Variants in KMT2D observed in about 807,000 individuals in gnomAD.
KMT2D encodes lysine methyltransferase 2D.
Under a neutral mutation model 512.7 loss-of-function variants are expected in KMT2D, and 55 were observed. That is an observed-to-expected ratio of 0.11 (90% CI 0.09 to 0.13). The LOEUF is 0.13. Among genes scored for constraint, KMT2D ranks in the 10% least tolerant of loss-of-function variants. The probability of loss-of-function intolerance (pLI) is 1.00; values close to 1 mark genes in which losing one functional copy is unlikely to be tolerated. For synonymous variants in KMT2D, 2,995 were observed against 2,904.0 expected (o/e 1.03, Z -1.01); for missense variants, 6,061 against 7,127.9 (o/e 0.85, Z 5.39).
rs1468040334 is a variant in KMT2D at position 49,033,146 on chromosome 12, G to A, written c.11559C>T (p.Val3853=). Residue 3853 remains valine, a synonymous_variant, in exon 40 of 55, where the codon GTC becomes GTT. Coordinates refer to ENST00000301067, the MANE Select transcript of KMT2D (RefSeq NM_003482.4). ...GTTGCTGCTGCTGCTGCTGGGCTGT[G>A]ACCAGCCTGTGTCCCATAAGGCCCT... The part of the protein sequence containing the change: ...QGQGLMGHRL[V]TAQQQQQQQQ... The A allele has an allele frequency of 1.3e-6, 2 of 1,550,772 alleles. No homozygotes were observed. Among genetic ancestry groups the A allele is most frequent in the Admixed American group, 3.9e-5 (2 of 50,972 alleles).
rs1003579411 is a variant in KMT2D, at chr12:49,028,222, A to G, written c.14383-81T>C. 1.2e-5 allele frequency: 18 copies of G among 1,562,690 alleles called. No individual in the cohort carries two copies. The South Asian group carries it at 1.4e-4, about 12-fold the overall frequency. On this transcript the variant is annotated intron_variant, in intron 46 of 54. Coordinates refer to ENST00000301067, the MANE Select transcript of KMT2D (RefSeq NM_003482.4). ...GCTCTACTACCAGCTGGGTGGGGAC[A>G]AGGACACCTAGAACCCACTCCCCAG... is the stretch of plus-strand genomic sequence containing the variant.
At position 49,034,069 on chromosome 12, in the gene KMT2D, G is replaced by T. The variant is rs1592122991; in HGVS notation, c.10738C>A (p.Gln3580Lys). ...GGCTGAAGTTTGCTTTCCCCCACCT[G>T]ATCCAGTTGTTTCTGGATCTTGCTC... Reference protein sequence around the residue: ...QQSKIQKQLDQVRKQQKEHTN... With the variant: ...QQSKIQKQLDKVRKQQKEHTN... Residue 3580 changes from glutamine (Q) to lysine (K), a missense_variant and splice_region_variant, in exon 39 of 55, where the codon CAG becomes AAG. This residue lies in a region of KMT2D where 50 missense variants were observed against 119.9 expected (regional missense o/e 0.42). Coordinates refer to ENST00000301067, the MANE Select transcript of KMT2D (RefSeq NM_003482.4). 6.2e-7 allele frequency: 1 copy of T among 1,611,734 alleles called. No homozygotes were observed. The highest frequency in any genetic ancestry group is 1.1e-5 in the South Asian group (1 of 91,020).
rs776064682 is a variant in KMT2D, at chr12:49,046,125, G to C, written c.4633C>G (p.Gln1545Glu). Residue 1545 changes from glutamine (Q) to glutamate (E), a missense_variant, in exon 18 of 55, where the codon CAG (glutamine) becomes GAG (glutamate). By Grantham distance (29) the Gln-to-Glu change is conservative. Transcript: ENST00000301067. The surrounding 1 kb of genome is among the most constrained non-coding windows in gnomAD (Gnocchi z 4.2). Reference sequence around the variant, plus strand: ...CAGTCAAAGCCTTCATCGGCTGCCTGCTCCACATCGTCCTCTGTGAAGAGG... The same window carrying C: ...CAGTCAAAGCCTTCATCGGCTGCCTCCTCCACATCGTCCTCTGTGAAGAGG... ...ESLFTEDDVE[Q>E]AADEGFDCVS... The C allele has an allele frequency of 6.2e-7, 1 of 1,610,852 alleles. No homozygotes were observed. The highest frequency in any genetic ancestry group is 8.5e-7 in the Non-Finnish European group (1 of 1,178,446).
chr12:49,052,134 C>A lies in KMT2D; in HGVS notation c.1549G>T (p.Glu517Ter). ...TCTTCCGGTGGAGACAAGGGCGACT[C>A]CTCCAGTGGAGAAAAAGGTGATGAT... ...PESSPFSPLE[E>*]SPLSPPEESP... The change falls in exon 11 of 55, where the codon GAG becomes TAG. Residue 517 changes from glutamate (E) to a stop codon, truncating the protein, a stop_gained. Coordinates refer to ENST00000301067, the MANE Select transcript of KMT2D (RefSeq NM_003482.4). LOFTEE classifies it high-confidence loss of function. 6.2e-7 allele frequency: 1 copy of A among 1,612,872 alleles called. No homozygotes were observed. Among genetic ancestry groups the A allele is most frequent in the Non-Finnish European group, 8.5e-7 (1 of 1,179,588 alleles).
intron 14 of KMT2D, among the ~76,000 whole-genome samples, chr12:49,048,369 T>C (rs1937685419): frequency 6.6e-6 from 1 of 152,250 alleles, no homozygotes; most frequent in Non-Finnish European, 1.5e-5. Flanking sequence ...TTCTATCAGC[T>C]TCAAGATTAT....
At position 49,039,594 on chromosome 12, in the gene KMT2D, C is replaced by T. The variant is rs776754434; in HGVS notation, c.8070G>A (p.Leu2690=). The T allele has an allele frequency of 6.2e-7, 1 of 1,610,360 alleles. No individual in the cohort carries two copies. Among genetic ancestry groups the T allele is most frequent in the South Asian group, 1.1e-5 (1 of 91,004 alleles). ...TGTTGCGCTGGATCTGCTGCCGAAT[C>T]AGCAGCTCTCGTAGTCGCTGGCGCT... ...QRQRQRLREL[L]IRQQIQRNTL... The change falls in exon 33 of 55, where the codon CTG becomes CTA. Residue 2690 remains leucine (L), a synonymous_variant. Transcript: ENST00000301067. This position sits in a 1 kb window ranked among gnomAD's most constrained non-coding sequence, Gnocchi z 5.0.
chr12:49,037,887 C>T lies in KMT2D; in HGVS notation c.9469G>A (p.Gly3157Arg), dbSNP rs1180928884. ...TCCCGGCTGCCCATCATGCTCTGTC[C>T]TGGCTTTAGCCCCAGGCCAAGGGAA... ...ANSLGLGLKP[G>R]QSMMGSRDTR... The change falls in exon 35 of 55, where the codon GGA becomes AGA. Residue 3157 changes from glycine (G) to arginine (R), a missense_variant. Transcript: ENST00000301067. The T allele has an allele frequency of 6.3e-7, 1 of 1,599,802 alleles. No homozygotes were observed. The highest frequency in any genetic ancestry group is 2.3e-5 in the East Asian group (1 of 44,218).
Position 49,027,242 on chromosome 12 carries a change from G to A in KMT2D, c.14724C>T (p.Ala4908=), listed in dbSNP as rs1412145265. ...GCGGGGAGGGTTCTTCAGGAGGTGG[G>A]GCCGAGAGCTGTCGCACATCCAGAT... ...VSNLDVRQLS[A]PPPEEPSPPP... Residue 4908 remains alanine (A), a synonymous_variant, in exon 49 of 55, where the codon GCC becomes GCT. Coordinates refer to ENST00000301067, the MANE Select transcript of KMT2D (RefSeq NM_003482.4). The A allele has an allele frequency of 6.4e-7, 1 of 1,551,416 alleles. No homozygotes were observed. The highest frequency in any genetic ancestry group is 8.7e-7 in the Non-Finnish European group (1 of 1,152,346).
In KMT2D at chr12:49,051,231, C is replaced by A. The variant is rs2120665851; in HGVS notation, c.2452G>T (p.Val818Leu). Residue 818 changes from valine to leucine, a missense_variant, in exon 11 of 55, where the codon GTG (valine) becomes TTG (leucine). Physicochemically the swap from Val to Leu is conservative, Grantham distance 32. Around this residue, in one of 16 missense-constraint regions of KMT2D, gnomAD observed 848 missense variants for 838.5 expected, o/e 1.01. Coordinates refer to ENST00000301067, the MANE Select transcript of KMT2D (RefSeq NM_003482.4). ...GGGGACAAGCATGGCTCCTCAGGCACAGGAGACAGGTGCGGCTCCTCAGTC... is the reference window on the plus strand; with the variant it reads ...GGGGACAAGCATGGCTCCTCAGGCAAAGGAGACAGGTGCGGCTCCTCAGTC... Reference protein sequence around the residue: ...PQTEEPHLSPVPEEPCLSPQP... With the variant: ...PQTEEPHLSPLPEEPCLSPQP... 1.4e-6 allele frequency: 2 copies of A among 1,430,472 alleles called. No individual in the cohort carries two copies. Among genetic ancestry groups the A allele is most frequent in the Non-Finnish European group, 1.8e-6 (2 of 1,084,752 alleles). 88.6% of individuals were successfully genotyped at this position (1,430,472 alleles called of 1,614,324 possible).
At chr12:49,047,406 C>CTTTTTTTTTTTTTTT (rs57252968) in intron 15 of KMT2D, among the ~76,000 whole-genome samples, 1 of 93,882 alleles carries the variant, frequency 1.1e-5, no homozygotes, top group Non-Finnish European at 2.0e-5. Flanking sequence ...CCAGTTTTTC[C>CTTTTTTTTTTTTTTT]TTTTTTTTTT....
chr12:49,050,660 G>A lies in KMT2D; in HGVS notation c.2928C>T (p.Pro976=), dbSNP rs759240556. ...DSDPESPLAA[P]ILETPISPPP... ...GAGGGCTGATGGGTGTCTCCAGGAT[G>A]GGGGCAGCCAACGGTGACTCAGGGT... is the stretch of plus-strand genomic sequence containing the variant. Residue 976 remains proline, a synonymous_variant, in exon 12 of 55, where the codon CCC becomes CCT. Transcript: ENST00000301067. The A allele has an allele frequency of 4.3e-6, 7 of 1,613,458 alleles. No individual in the cohort carries two copies. The highest frequency in any genetic ancestry group is 2.2e-5 in the South Asian group (2 of 91,060).
At position 49,053,070 on chromosome 12, in the gene KMT2D, C is replaced by T. The variant is rs569941378; in HGVS notation, c.957G>A (p.Ala319=). ...ELPAHSWKCK[A]CRVCRACGAG... Reference sequence around the variant, plus strand: ...CCCCACAGGCCCGGCACACCCGGCACGCCTAAGGGAAGGGAGTGGGCAAAA... The same window carrying T: ...CCCCACAGGCCCGGCACACCCGGCATGCCTAAGGGAAGGGAGTGGGCAAAA... The change falls in exon 9 of 55, where the codon GCG becomes GCA. Residue 319 remains alanine, a splice_region_variant and synonymous_variant. Transcript: ENST00000301067. The T allele has an allele frequency of 1.5e-5, 24 of 1,614,010 alleles. No homozygotes were observed. Among genetic ancestry groups the T allele is most frequent in the Admixed American group, 6.7e-5 (4 of 60,028 alleles).
In KMT2D at chr12:49,037,475, G is replaced by A. The variant is rs2120479661; in HGVS notation, c.9881C>T (p.Ala3294Val). 1 of 1,563,960 alleles carries A rather than the reference G, an allele frequency of 6.4e-7. No homozygotes were observed. Among genetic ancestry groups the A allele is most frequent in the Non-Finnish European group, 8.7e-7 (1 of 1,154,138 alleles). Residue 3294 changes from alanine (A) to valine (V), a missense_variant, in exon 35 of 55, where the codon GCC becomes GTC. Physicochemically the swap from Ala to Val is moderately conservative, Grantham distance 64. Coordinates refer to ENST00000301067, the MANE Select transcript of KMT2D (RefSeq NM_003482.4). ...SLLSAPGPAQAMSLPHEGSSP... is the reference protein window; with the variant it reads ...SLLSAPGPAQVMSLPHEGSSP... ...AGAGCCCTCATGTGGCAAAGACATG[G>A]CCTGGGCAGGGCCTGGTGCAGACAG...
In KMT2D at chr12:49,032,002, G is replaced by C. The variant is rs766880785; in HGVS notation, c.12703C>G (p.Gln4235Glu). ...LLMQRQLQQS[Q>E]AVRQTPPYQE... ...TAGGGTGGGGTCTGGCGTACTGCCT[G>C]ACTCTGCTGCAGCTGCCGCTGCATG... is the stretch of plus-strand genomic sequence containing the variant. Residue 4235 changes from glutamine (Q) to glutamate (E), a missense_variant, in exon 40 of 55, where the codon CAG (glutamine) becomes GAG (glutamate). Coordinates refer to ENST00000301067, the MANE Select transcript of KMT2D (RefSeq NM_003482.4). 37 of 1,602,750 alleles carry C rather than the reference G, an allele frequency of 2.3e-5. No individual in the cohort carries two copies. The highest frequency in any genetic ancestry group is 3.1e-5 in the Non-Finnish European group (36 of 1,173,022).
rs1455734331 is a variant in KMT2D at position 49,046,596 on chromosome 12, C to A, written c.4418+13G>T. 1.9e-6 allele frequency: 3 copies of A among 1,605,676 alleles called. No homozygotes were observed. ...AGGCCCCAGGGCTCCACTGAAGATC[C>A]CAGTCTCCTTACCACTTGCACTTCC... On this transcript the variant is annotated intron_variant, in intron 16 of 54. Transcript: ENST00000301067. The surrounding 1 kb of genome is among the most constrained non-coding windows in gnomAD (Gnocchi z 4.2).
chr12:49,026,720 A>G lies in KMT2D; in HGVS notation c.15246T>C (p.Val5082=), dbSNP rs763024806. The change falls in exon 49 of 55, where the codon GTT becomes GTC. Residue 5082 remains valine (V), a synonymous_variant. Coordinates refer to ENST00000301067, the MANE Select transcript of KMT2D (RefSeq NM_003482.4). The surrounding 1 kb of genome is among the most constrained non-coding windows in gnomAD (Gnocchi z 9.6). The stretch of plus-strand genomic sequence containing the variant: ...TGGTTAGCAGTCCTCGGTGCAGGGC[A>G]ACCTCCACATTCATCAGTGCCCCGC... ...TQGGALMNVE[V]ALHRGLLTKC... 1 of 1,613,990 alleles carries G rather than the reference A, an allele frequency of 6.2e-7. No homozygotes were observed. The highest frequency in any genetic ancestry group is 2.2e-5 in the East Asian group (1 of 44,890).
chr12:49,028,801 C>T (rs1942741433), intron 46 of KMT2D, 27 bp downstream of exon 46: 1 of 1,611,016 alleles, frequency 6.2e-7, no homozygotes, highest in Non-Finnish European at 8.5e-7. Context: ...AGGTTCCCCT[C>T]AGCCTCGAGG....
At position 49,033,558 on chromosome 12, in the gene KMT2D, A is replaced by G. The variant is rs1215583791; in HGVS notation, c.11147T>C (p.Leu3716Ser). ...CTGCAGCTGCAGCTGCCTTTCCTGT[A>G]AAAGCCTTGAATCAGGTCCGAGGCT... ...LRSLGPDSRL[L>S]QERQLQLQQQ... The change falls in exon 40 of 55, where the codon TTA (leucine) becomes TCA (serine). Residue 3716 changes from leucine to serine, a missense_variant. Leu to Ser is a moderately radical substitution (Grantham distance 145, BLOSUM62 -2). Around this residue, in one of 16 missense-constraint regions of KMT2D, gnomAD observed 1,600 missense variants for 1,754.9 expected, o/e 0.91. Coordinates refer to ENST00000301067, the MANE Select transcript of KMT2D (RefSeq NM_003482.4). The G allele has an allele frequency of 6.2e-7, 1 of 1,613,318 alleles. No individual in the cohort carries two copies. The highest frequency in any genetic ancestry group is 8.5e-7 in the Non-Finnish European group (1 of 1,179,796).
rs763518333 is a variant in KMT2D at position 49,031,890 on chromosome 12, C to G, written c.12815G>C (p.Gly4272Ala). 2 of 1,532,900 alleles carry G rather than the reference C, an allele frequency of 1.3e-6. No homozygotes were observed. The highest frequency in any genetic ancestry group is 1.3e-5 in the South Asian group (1 of 77,182). The allele number at this position is 1,532,900 out of a possible 1,614,324, so 95.0% of individuals were successfully genotyped here. A position where few individuals can be genotyped will look rare whatever the true frequency, so the allele number is the denominator to read the frequency against. The change falls in exon 40 of 55, where the codon GGC becomes GCC. Residue 4272 changes from glycine (G) to alanine (A), a missense_variant. Gly to Ala is a moderately conservative substitution (Grantham distance 60). Coordinates refer to ENST00000301067, the MANE Select transcript of KMT2D (RefSeq NM_003482.4). ...QLGGFPGPQT[G>A]PLQELGAGPR... The stretch of plus-strand genomic sequence containing the variant: ...CCCTGCCCCTAGCTCCTGGAGGGGG[C>G]CTGTCTGTGGTCCAGGGAAGCCCCC...
Sources: allele counts gnomAD v4.1 joint callset (sites outside exome capture counted in the v4.1 genomes callset), GRCh38; gene constraint gnomAD v4.1.1; regional missense constraint gnomAD v4.1.1; non-coding constraint Gnocchi (gnomAD v3.1); transcripts MANE v1.5; gene names NCBI Gene and HGNC (gene_info 2026-07-23, HGNC 2026-07-21).